The following ASIC2 variants were observed in gnomAD, a reference collection of about 807,000 sequenced individuals.
ASIC2 encodes the protein acid sensing ion channel subunit 2, also known as acid-sensing ion channel 2.
ASIC2 carries 25 observed loss-of-function variants against 57.3 expected under a neutral mutation model. The ratio of observed to expected loss-of-function variants is 0.44; its 90% confidence interval spans 0.32 to 0.61. The LOEUF is 0.61. ASIC2 is among the 20% of genes least tolerant of loss of function. The probability of loss-of-function intolerance (pLI) is 0.06; values close to 1 mark genes in which losing one functional copy is unlikely to be tolerated. For missense variants in ASIC2, 641 were observed against 738.1 expected (o/e 0.87, Z 1.52); for synonymous variants, 319 against 307.5 (o/e 1.04, Z -0.39).
intron 1 of ASIC2, among the ~76,000 whole-genome samples, chr17:34,049,262 C>T (rs1908455865): frequency 6.6e-6 from 1 of 152,126 alleles, no homozygotes; most frequent in South Asian, 2.1e-4. Flanking sequence ...CACTGCACTC[C>T]TCCCTTGGGC....
At chr17:34,016,119 A>T (rs1906944334) in intron 1 of ASIC2, among the ~76,000 whole-genome samples, 1 of 152,188 alleles carries the variant, frequency 6.6e-6, no homozygotes, top group Admixed American at 6.5e-5. Flanking sequence ...TATATTCAGG[A>T]TTAGAAACAA....
intron 1 of ASIC2, among the ~76,000 whole-genome samples, chr17:33,998,397 T>C (rs540828188): frequency 6.6e-6 from 1 of 152,286 alleles, no homozygotes; most frequent in Non-Finnish European, 1.5e-5. Flanking sequence ...TTTTATTATT[T>C]TCTTCTTTCT....
At chr17:34,092,875 TTATG>T (rs1305871163) in intron 1 of ASIC2, among the ~76,000 whole-genome samples, 2 of 152,196 alleles carry the variant, frequency 1.3e-5, no homozygotes, top group East Asian at 3.9e-4. Context: ...TATACTTTTA[TTATG>T]TATTTATTTA....
chr17:33,408,330 T>A (rs1310277135), intron 1 of ASIC2, among the ~76,000 whole-genome samples: 1 of 152,148 alleles, frequency 6.6e-6, no homozygotes, highest in Non-Finnish European at 1.5e-5. Context: ...ACAGGAAGAC[T>A]TGGTTCTGTC....
At chr17:33,463,479 A>G (rs1417456727) in intron 1 of ASIC2, among the ~76,000 whole-genome samples, 3 of 152,214 alleles carry the variant, frequency 2.0e-5, no homozygotes, top group Admixed American at 1.3e-4. Context: ...CTACCCTCCA[A>G]TATTTCCAAT....
intron 1 of ASIC2, among the ~76,000 whole-genome samples, chr17:33,483,687 ACTATTCATGCTCTATCTTATGGC>A (rs909130800): frequency 6.6e-6 from 1 of 152,334 alleles, no homozygotes; most frequent in South Asian, 2.1e-4. Context: ...TGGTTTGGTG[ACTATTCATGCTCTATCTTATGGC>A]CTATTCATGC....
At chr17:33,961,162 A>T (rs2141991937) in intron 1 of ASIC2, among the ~76,000 whole-genome samples, 1 of 152,298 alleles carries the variant, frequency 6.6e-6, no homozygotes, top group South Asian at 2.1e-4. Context: ...GAACCAAAAT[A>T]ATTTGACCGG....
intron 1 of ASIC2, among the ~76,000 whole-genome samples, chr17:33,809,494 G>C (rs1224583493): frequency 6.6e-6 from 1 of 152,176 alleles, no homozygotes; most frequent in East Asian, 1.9e-4. Flanking sequence ...TTTGATAAAG[G>C]GAAAGAAGGG....
At chr17:33,878,819 G>A (rs998923779) in intron 1 of ASIC2, among the ~76,000 whole-genome samples, 22 of 152,288 alleles carry the variant, frequency 1.4e-4, no homozygotes, top group African/African-American at 5.3e-4. Context: ...ATTCACCAAA[G>A]TTGAAATGAA....
At chr17:33,730,445 C>G (rs183352131) in intron 1 of ASIC2, among the ~76,000 whole-genome samples, 45 of 152,336 alleles carry the variant, frequency 3.0e-4, no homozygotes, top group South Asian at 8.3e-4. Flanking sequence ...ATTTTGAAAT[C>G]ACACAATAAT....
intron 1 of ASIC2, among the ~76,000 whole-genome samples, chr17:33,892,002 G>T (rs1914973859): frequency 6.6e-6 from 1 of 152,030 alleles, no homozygotes; most frequent in African/African-American, 2.4e-5. Flanking sequence ...TTTGTAATCT[G>T]CTTTGTTTAT....
chr17:33,339,657 G>A (rs939380770), intron 1 of ASIC2, among the ~76,000 whole-genome samples: 1 of 152,190 alleles, frequency 6.6e-6, no homozygotes, highest in Non-Finnish European at 1.5e-5. Flanking sequence ...CCTCATGCCA[G>A]GCAGTGCCTT....
At chr17:33,250,187 G>A (rs1908831547) in intron 1 of ASIC2, among the ~76,000 whole-genome samples, 1 of 152,194 alleles carries the variant, frequency 6.6e-6, no homozygotes, top group Non-Finnish European at 1.5e-5. Context: ...TAAGCTACCA[G>A]GCACATCATA....
chr17:33,402,073 T>C (rs925529295), intron 1 of ASIC2, among the ~76,000 whole-genome samples: 1 of 152,136 alleles, frequency 6.6e-6, no homozygotes, highest in Non-Finnish European at 1.5e-5. Flanking sequence ...AAGATCTCCT[T>C]TGGATGTTTG....
At chr17:33,345,152 C>A (rs1345167341) in intron 1 of ASIC2, among the ~76,000 whole-genome samples, 1 of 152,172 alleles carries the variant, frequency 6.6e-6, no homozygotes, top group Non-Finnish European at 1.5e-5. Context: ...CATTCAAATG[C>A]AGTAAGGGGC....
intron 1 of ASIC2, among the ~76,000 whole-genome samples, chr17:33,538,662 A>G (rs901590998): frequency 2.6e-5 from 4 of 152,310 alleles, no homozygotes; most frequent in East Asian, 1.9e-4. Context: ...GCTGCTCCAG[A>G]GCATGATCTG....
At chr17:33,219,070 T>C (rs1000927564) in intron 1 of ASIC2, among the ~76,000 whole-genome samples, 4 of 152,172 alleles carry the variant, frequency 2.6e-5, no homozygotes, top group African/African-American at 7.2e-5. Flanking sequence ...ATAAACAGCA[T>C]AGGGTGAGTC....
rs918236851 is a variant in ASIC2 at position 34,019,971 on chromosome 17, A to G, written c.555+136007T>C. Among the ~76,000 whole-genome samples, 16 of 152,270 alleles carry G rather than the reference A, an allele frequency of 1.1e-4. 1 individual carries two copies. The highest frequency in any genetic ancestry group is 9.8e-4 in the Admixed American group (15 of 15,300). Reference sequence around the variant, plus strand: ...GATCTCCAGGTTCCAAGAGAATAAAACAGAAGCTACAAGGACTCTTGAGGC... The same window carrying G: ...GATCTCCAGGTTCCAAGAGAATAAAGCAGAAGCTACAAGGACTCTTGAGGC... On this transcript the variant is annotated intron_variant, in intron 1 of 9. Transcript: ENST00000359872.
chr17:33,292,294 G>A lies in ASIC2; in HGVS notation c.-179C>T, dbSNP rs542410785. ...ATGCCCGCCCGGCGCCGCCGCTGCC[G>A]CCTCCGCGGGCGCCCGCCCGGGGCT... On this transcript the variant is annotated 5_prime_UTR_variant, in exon 1 of 10. Transcript: ENST00000225823. The A allele has an allele frequency of 3.8e-4, 372 of 986,966 alleles. 4 individuals carry two copies. In the South Asian group the frequency reaches 0.015, roughly 40 times the overall value. 61.1% of individuals were successfully genotyped at this position (986,966 alleles called of 1,614,324 possible).
Sources: allele counts gnomAD v4.1 joint callset (sites outside exome capture counted in the v4.1 genomes callset), GRCh38; gene constraint gnomAD v4.1.1; transcripts MANE v1.5; gene names NCBI Gene and HGNC (gene_info 2026-07-23, HGNC 2026-07-21).